Variants in SUCLG2 observed in about 807,000 individuals in gnomAD.
The protein encoded by SUCLG2 is succinate--CoA ligase [GDP-forming] subunit beta, mitochondrial.
Under a neutral mutation model 47.9 loss-of-function variants are expected in SUCLG2, and 42 were observed. That is an observed-to-expected ratio of 0.88 (90% confidence interval 0.69 to 1.14). SUCLG2 has a LOEUF of 1.14. Ranked by LOEUF, SUCLG2 falls within the 50% of genes most tolerant of loss-of-function variation. The pLI, the probability that SUCLG2 is intolerant of heterozygous loss-of-function variation, is 0.00. For missense variants in SUCLG2, 571 were observed against 525.9 expected (o/e 1.09, Z -0.84); for synonymous variants, 195 against 197.3 (o/e 0.99, Z 0.10).
intron 9 of SUCLG2, among the ~76,000 whole-genome samples, chr3:67,433,160 T>A (rs1385993617): frequency 1.3e-5 from 2 of 152,120 alleles, no homozygotes; most frequent in Non-Finnish European, 2.9e-5. Flanking sequence ...TAGTAAAAGT[T>A]CAAAATAGCC....
At chr3:67,491,192 C>T (rs1186232794) in intron 9 of SUCLG2, among the ~76,000 whole-genome samples, 1 of 143,808 alleles carries the variant, frequency 7.0e-6, no homozygotes, top group Non-Finnish European at 1.5e-5. Context: ...TGGTGGCAGA[C>T]GCCTTTAGTC....
At chr3:67,404,203 G>A (rs1702752297) in intron 9 of SUCLG2, among the ~76,000 whole-genome samples, 1 of 152,102 alleles carries the variant, frequency 6.6e-6, no homozygotes, top group African/African-American at 2.4e-5. Context: ...TTCAGAACTG[G>A]GTAGACGCAA....
intron 9 of SUCLG2, among the ~76,000 whole-genome samples, chr3:67,403,079 C>G (rs778309201): frequency 6.6e-6 from 1 of 152,048 alleles, no homozygotes; most frequent in East Asian, 1.9e-4. Context: ...GTTAGTATCT[C>G]GTGTTTAATT....
chr3:67,588,920 C>T (rs1708089649), intron 2 of SUCLG2, among the ~76,000 whole-genome samples: 1 of 152,170 alleles, frequency 6.6e-6, no homozygotes, highest in South Asian at 2.1e-4. Context: ...CTAACAATCC[C>T]TTGTTTAAAA....
intron 2 of SUCLG2, among the ~76,000 whole-genome samples, chr3:67,593,235 T>C (rs1003030494): frequency 1.0e-4 from 14 of 135,990 alleles, no homozygotes; most frequent in Non-Finnish European, 7.9e-5. Flanking sequence ...TTCTACCCTA[T>C]AGGATATTTG....
chr3:67,614,871 C>T (rs1700596393), intron 1 of SUCLG2, among the ~76,000 whole-genome samples: 1 of 152,108 alleles, frequency 6.6e-6, no homozygotes, highest in East Asian at 1.9e-4. Flanking sequence ...TAATTCCCAG[C>T]TTTTTTCCTT....
intron 2 of SUCLG2, among the ~76,000 whole-genome samples, chr3:67,544,264 T>C (rs1240625997): frequency 2.6e-5 from 4 of 152,146 alleles, no homozygotes; most frequent in African/African-American, 9.7e-5. Context: ...ACTATTGATA[T>C]GGTTTGGCTC....
At chr3:67,391,589 TA>T (rs1702384302) in intron 10 of SUCLG2, among the ~76,000 whole-genome samples, 1 of 152,194 alleles carries the variant, frequency 6.6e-6, no homozygotes, top group Non-Finnish European at 1.5e-5. Flanking sequence ...CTTTACCTCC[TA>T]TCAAAAAGGC....
intron 1 of SUCLG2, among the ~76,000 whole-genome samples, chr3:67,644,031 T>A (rs1031755191): frequency 2.0e-5 from 3 of 152,172 alleles, no homozygotes; most frequent in Non-Finnish European, 4.4e-5. Context: ...TCAATGAATA[T>A]GAATATACAA....
rs181710455 is a variant in SUCLG2, at chr3:67,615,137, G to T, written c.85-5541C>A. 6.3e-3 allele frequency among the ~76,000 whole-genome samples: 961 copies of T among 151,644 alleles called. 2 individuals are homozygous for T. Among genetic ancestry groups the T allele is most frequent in the Middle Eastern group, 0.014 (4 of 292 alleles). The stretch of plus-strand genomic sequence containing the variant: ...TGGGAACAAGGGAGCAGAAGCAGAA[G>T]AAAAAGAATGAAAAATGAGGCAGGG... On this transcript the variant is annotated intron_variant, in intron 1 of 10. Coordinates refer to ENST00000307227, the MANE Select transcript of SUCLG2 (RefSeq NM_003848.4).
chr3:67,517,574 G>C (rs568419540), intron 6 of SUCLG2, among the ~76,000 whole-genome samples: 1 of 152,272 alleles, frequency 6.6e-6, no homozygotes, highest in African/African-American at 2.4e-5. Context: ...CTGGAACAAA[G>C]GCAGAGCAGG....
In SUCLG2 at chr3:67,387,693, C is replaced by T. The variant is rs79602591; in HGVS notation, c.1184-11834G>A. ...ATTCATGCTGAAATATGCAAAATACCACATTCAAGATTATTTTCCTTAATA... is the reference window on the plus strand; with the variant it reads ...ATTCATGCTGAAATATGCAAAATACTACATTCAAGATTATTTTCCTTAATA... On this transcript the variant is annotated intron_variant, in intron 10 of 10. Transcript: ENST00000307227. Among the ~76,000 whole-genome samples, 201 of 152,054 alleles carry T rather than the reference C, an allele frequency of 1.3e-3. 1 individual carries two copies. Among genetic ancestry groups the T allele is most frequent in the African/African-American group, 4.6e-3 (191 of 41,490 alleles).
At chr3:67,366,479 T>A (rs954788384) in intron 10 of SUCLG2, among the ~76,000 whole-genome samples, 2 of 152,212 alleles carry the variant, frequency 1.3e-5, no homozygotes, top group African/African-American at 4.8e-5. Context: ...TGCCTCTATT[T>A]AATCTCTGTT....
At chr3:67,602,118 A>G (rs937576552) in intron 2 of SUCLG2, among the ~76,000 whole-genome samples, 5 of 152,234 alleles carry the variant, frequency 3.3e-5, no homozygotes, top group African/African-American at 1.2e-4. Context: ...AGATCTGGTG[A>G]CACTCAGTAC....
rs142029615 is a variant in SUCLG2, at chr3:67,625,935, G to A, written c.85-16339C>T. Among the ~76,000 whole-genome samples the A allele has an allele frequency of 2.1e-3, 316 of 152,124 alleles. 2 individuals are homozygous for A. Among genetic ancestry groups the A allele is most frequent in the African/African-American group, 7.2e-3 (297 of 41,506 alleles). ...GTAGAGGAGAATGGTAAGCAGATAA[G>A]AACTAGATTGAAGTAGGATCCCACA... On this transcript the variant is annotated intron_variant, in intron 1 of 10. Transcript: ENST00000307227.
intron 10 of SUCLG2, among the ~76,000 whole-genome samples, chr3:67,390,686 C>T (rs1192256098): frequency 6.7e-6 from 1 of 149,808 alleles, no homozygotes; most frequent in Non-Finnish European, 1.5e-5. Flanking sequence ...CGTATAAAAA[C>T]CTTGGCACAA....
intron 9 of SUCLG2, among the ~76,000 whole-genome samples, chr3:67,431,751 G>C (rs566233605): frequency 2.6e-5 from 4 of 151,502 alleles, no homozygotes; most frequent in Non-Finnish European, 4.4e-5. Flanking sequence ...GGTGGCGGGA[G>C]GGGGGAGGGA....
At chr3:67,455,627 T>C (rs1704163541) in intron 9 of SUCLG2, among the ~76,000 whole-genome samples, 1 of 152,110 alleles carries the variant, frequency 6.6e-6, no homozygotes, top group African/African-American at 2.4e-5. Flanking sequence ...TAATTCTCAA[T>C]GTTAGCACAA....
At chr3:67,650,009 C>A (rs1053578573) in intron 1 of SUCLG2, among the ~76,000 whole-genome samples, 21 of 152,188 alleles carry the variant, frequency 1.4e-4, no homozygotes, top group Non-Finnish European at 1.8e-4. Flanking sequence ...TTATTTACAG[C>A]AAACAAAACC....
Sources: allele counts gnomAD v4.1 joint callset (sites outside exome capture counted in the v4.1 genomes callset), GRCh38; gene constraint gnomAD v4.1.1; transcripts MANE v1.5; gene names NCBI Gene and HGNC (gene_info 2026-07-23, HGNC 2026-07-21).